PCDH15: variants seen among roughly 807,000 people sequenced by gnomAD.
PCDH15 encodes the protein protocadherin-15.
Under a neutral mutation model 178.5 loss-of-function variants are expected in PCDH15, and 129 were observed. That is an observed-to-expected ratio of 0.72 (90% confidence interval 0.63 to 0.84). The LOEUF is 0.84. Among genes scored for constraint, PCDH15 ranks in the 40% least tolerant of loss-of-function variants. PCDH15 has a pLI of 0.00. For synonymous variants in PCDH15, 800 were observed against 732.0 expected (o/e 1.09, Z -1.50); for missense variants, 2,230 against 2,099.9 (o/e 1.06, Z -1.21).
chr10:53,963,409 T>C (rs993571471), intron 21 of PCDH15, among the ~76,000 whole-genome samples: 2 of 152,140 alleles, frequency 1.3e-5, no homozygotes, highest in African/African-American at 4.8e-5. Context: ...TCCCACTCTT[T>C]CTGGCTACTA....
At chr10:54,164,166 C>T (rs538779123) in intron 13 of PCDH15, among the ~76,000 whole-genome samples, 11 of 152,122 alleles carry the variant, frequency 7.2e-5, no homozygotes, top group African/African-American at 1.7e-4. Flanking sequence ...GCAGAATTGT[C>T]GGAGAAAGAG....
intron 2 of PCDH15, among the ~76,000 whole-genome samples, chr10:55,360,523 C>T (rs7918437): frequency 0.3 from 45,659 of 151,588 alleles, 7,157 homozygotes; most frequent in Admixed American, 0.36. Flanking sequence ...ACAACAAAGG[C>T]AGGTAATGCA....
intron 1 of PCDH15, among the ~76,000 whole-genome samples, chr10:55,217,728 A>G (rs1406789969): frequency 1.3e-5 from 2 of 151,968 alleles, no homozygotes; most frequent in Admixed American, 1.3e-4. Context: ...ATGACACAAA[A>G]GAAAAAAAAA....
At chr10:54,039,983 G>A (rs1048636836) in intron 18 of PCDH15, among the ~76,000 whole-genome samples, 2 of 151,898 alleles carry the variant, frequency 1.3e-5, no homozygotes, top group African/African-American at 2.4e-5. Context: ...GCAGTGGGTG[G>A]GGGAAGAAAA....
chr10:54,178,655 T>C (rs1437788404), intron 13 of PCDH15, among the ~76,000 whole-genome samples: 1 of 152,104 alleles, frequency 6.6e-6, no homozygotes, highest in African/African-American at 2.4e-5. Context: ...AGGACTCAAC[T>C]TTATGTGGGA....
At chr10:53,878,906 C>T (rs1164986237) in intron 26 of PCDH15, among the ~76,000 whole-genome samples, 1 of 152,092 alleles carries the variant, frequency 6.6e-6, no homozygotes, top group Non-Finnish European at 1.5e-5. Context: ...TTCTCTAAGG[C>T]TTTGCTCCTC....
At chr10:54,075,300 C>T (rs2094320635) in intron 17 of PCDH15, among the ~76,000 whole-genome samples, 1 of 152,030 alleles carries the variant, frequency 6.6e-6, no homozygotes, top group Admixed American at 6.6e-5. Flanking sequence ...TGGCCTGAAC[C>T]CGGGAGGCGG....
At chr10:54,236,620 T>C (rs541133406) in intron 9 of PCDH15, among the ~76,000 whole-genome samples, 1 of 152,302 alleles carries the variant, frequency 6.6e-6, no homozygotes, top group South Asian at 2.1e-4. Flanking sequence ...AAGTTATTCA[T>C]TTATCATTCT....
At chr10:55,314,281 TA>T (rs1306966616) in intron 1 of PCDH15, among the ~76,000 whole-genome samples, 4 of 150,972 alleles carry the variant, frequency 2.6e-5, no homozygotes, top group Non-Finnish European at 4.4e-5. Context: ...TGGACTGTTA[TA>T]TATTATAGCT....
chr10:53,952,672 G>A (rs2087185481), intron 23 of PCDH15, among the ~76,000 whole-genome samples: 1 of 152,172 alleles, frequency 6.6e-6, no homozygotes, highest in African/African-American at 2.4e-5. Context: ...TTCCACCCAG[G>A]AGCCTGTCTG....
At chr10:54,103,923 AAACAT>A (rs1387475387) in intron 15 of PCDH15, among the ~76,000 whole-genome samples, 1 of 152,110 alleles carries the variant, frequency 6.6e-6, no homozygotes, top group Non-Finnish European at 1.5e-5. Context: ...TAAATTAAAA[AAACAT>A]AACAAAACAA....
chr10:54,339,366 A>AC (rs200724673), intron 6 of PCDH15, among the ~76,000 whole-genome samples: 25,981 of 130,360 alleles, frequency 0.2, 3,364 homozygotes, highest in African/African-American at 0.38. Flanking sequence ...CATTAAACAA[A>AC]AAAAAAAATC....
intron 1 of PCDH15, among the ~76,000 whole-genome samples, chr10:55,277,147 G>A (rs973236347): frequency 6.6e-6 from 1 of 151,762 alleles, no homozygotes; most frequent in Non-Finnish European, 1.5e-5. Context: ...ATACTATCAC[G>A]ACCTATATTT....
At chr10:55,047,370 T>C (rs1237426004) in intron 2 of PCDH15, among the ~76,000 whole-genome samples, 2 of 149,398 alleles carry the variant, frequency 1.3e-5, no homozygotes, top group Non-Finnish European at 3.0e-5. Context: ...AATAAAATTA[T>C]GTAAAAACTT....
chr10:54,841,636 G>A (rs563966415), intron 3 of PCDH15, among the ~76,000 whole-genome samples: 50 of 151,680 alleles, frequency 3.3e-4, no homozygotes, highest in Middle Eastern at 6.8e-3. Context: ...TGGTAAAAAT[G>A]CATAAAAGTT....
chr10:54,003,910 A>G (rs2092283225), intron 20 of PCDH15, among the ~76,000 whole-genome samples: 1 of 152,078 alleles, frequency 6.6e-6, no homozygotes, highest in South Asian at 2.1e-4. Flanking sequence ...TAACAAAGAA[A>G]TTCAACATCG....
chr10:54,827,140 A>G (rs1014798815), intron 3 of PCDH15, among the ~76,000 whole-genome samples: 10 of 152,064 alleles, frequency 6.6e-5, no homozygotes, highest in Non-Finnish European at 1.3e-4. Context: ...TAGCCAGTTC[A>G]CCTCTGGATG....
At chr10:54,308,285 GA>G (rs1371052523) in intron 8 of PCDH15, among the ~76,000 whole-genome samples, 2 of 151,846 alleles carry the variant, frequency 1.3e-5, no homozygotes, top group Non-Finnish European at 2.9e-5. Context: ...GTGTTTCATA[GA>G]AAAAAATAGC....
chr10:55,350,197 T>G (rs1433072638), intron 2 of PCDH15, among the ~76,000 whole-genome samples: 1 of 146,678 alleles, frequency 6.8e-6, no homozygotes, highest in Admixed American at 6.9e-5. Flanking sequence ...GGTGTGTATA[T>G]GTAGGGGTGA....
Sources: allele counts gnomAD v4.1 joint callset (sites outside exome capture counted in the v4.1 genomes callset), GRCh38; gene constraint gnomAD v4.1.1; transcripts MANE v1.5; gene names NCBI Gene and HGNC (gene_info 2026-07-23, HGNC 2026-07-21).